The following FGL1 variants were observed in gnomAD, a reference collection of about 807,000 sequenced individuals.
The protein encoded by FGL1 is fibrinogen-like protein 1.
FGL1 carries 59 observed loss-of-function variants against 43.7 expected under a neutral mutation model. The observed-to-expected ratio is 1.35, with a 90% CI of 1.10 to 1.68. The LOEUF (loss-of-function observed/expected upper bound fraction) is 1.68, where lower values mean the gene tolerates loss of function less well. Among genes scored for constraint, FGL1 ranks in the 40% most tolerant of loss-of-function variants. The pLI is 0.00. For synonymous variants in FGL1, 192 were observed against 126.5 expected, an observed-to-expected ratio of 1.52 and a Z score of -3.48; for missense variants, 596 against 373.0, an observed-to-expected ratio of 1.60 and a Z score of -4.92.
At chr8:17,877,904 C>T (rs573262870) in intron 3 of FGL1, among the ~76,000 whole-genome samples, 155 of 152,224 alleles carry the variant, frequency 1.0e-3, no homozygotes, top group African/African-American at 3.6e-3. Context: ...CCATAGATAG[C>T]TGGCATTCAC....
intron 7 of FGL1, among the ~76,000 whole-genome samples, chr8:17,865,243 C>T (rs2053253607): frequency 6.6e-6 from 1 of 152,126 alleles, no homozygotes; most frequent in Non-Finnish European, 1.5e-5. Context: ...ATCCTTGTAA[C>T]CTCCAGCCTT....
chr8:17,868,160 G>C (rs1412019425), intron 7 of FGL1, among the ~76,000 whole-genome samples: 1 of 152,140 alleles, frequency 6.6e-6, no homozygotes. Context: ...AAGCATTACA[G>C]CAATAACGGT....
At chr8:17,884,446 C>T (rs958593184) in intron 2 of FGL1, among the ~76,000 whole-genome samples, 8 of 152,276 alleles carry the variant, frequency 5.3e-5, no homozygotes, top group Non-Finnish European at 1.0e-4. Flanking sequence ...CCACCCACCT[C>T]GGCCCCTCAA....
chr8:17,885,227 T>C (rs1267207921), intron 2 of FGL1, among the ~76,000 whole-genome samples: 1 of 151,948 alleles, frequency 6.6e-6, no homozygotes, highest in African/African-American at 2.4e-5. Flanking sequence ...TTTTTTTTAG[T>C]AAAGATGGGG....
chr8:17,872,445 G>A (rs2053377996), intron 5 of FGL1, among the ~76,000 whole-genome samples: 1 of 152,058 alleles, frequency 6.6e-6, no homozygotes, highest in Admixed American at 6.6e-5. Flanking sequence ...TGGGATTACA[G>A]TGCTGTGCCA....
At chr8:17,878,770 A>C (rs558304562) in intron 3 of FGL1, among the ~76,000 whole-genome samples, 18 of 152,222 alleles carry the variant, frequency 1.2e-4, no homozygotes, top group African/African-American at 4.1e-4. Flanking sequence ...TAATAAAGTA[A>C]CTTGTAAATA....
intron 3 of FGL1, among the ~76,000 whole-genome samples, chr8:17,875,547 T>C (rs867829641): frequency 0.035 from 565 of 16,110 alleles, 52 homozygotes; most frequent in African/African-American, 0.09. Context: ...CTTTCTTTCT[T>C]TCTTTCTTTC....
intron 3 of FGL1, among the ~76,000 whole-genome samples, chr8:17,876,823 C>T (rs1378235056): frequency 6.6e-6 from 1 of 152,160 alleles, no homozygotes; most frequent in Non-Finnish European, 1.5e-5. Context: ...ATAGAGGTTT[C>T]AGCCAAAATT....
chr8:17,882,752 T>C (rs1435801197), intron 2 of FGL1: 8 of 121,004 alleles, frequency 6.6e-5, no homozygotes, highest in African/African-American at 2.5e-4. Flanking sequence ...ATATAATATA[T>C]ATAATATATA....
rs1447397552 is a variant in FGL1, at chr8:17,869,010, A to G, written c.503-6T>C. On this transcript the variant is annotated splice_region_variant and splice_polypyrimidine_tract_variant and intron_variant, in intron 5 of 7. Coordinates refer to ENST00000427924, the MANE Select transcript of FGL1 (RefSeq NM_004467.4). ...GATTTTTAAAGTGTAGTCTTCTAAA[A>G]AAGAAACAAGCAATTATAATTTTTA... The G allele has an allele frequency of 2.5e-6, 4 of 1,572,026 alleles. No individual in the cohort carries two copies. Among genetic ancestry groups the G allele is most frequent in the Non-Finnish European group, 3.5e-6 (4 of 1,152,178 alleles).
At chr8:17,882,881 T>G (rs2053561572) in intron 2 of FGL1, among the ~76,000 whole-genome samples, 1 of 27,198 alleles carries the variant, frequency 3.7e-5, no homozygotes, top group Non-Finnish European at 9.1e-5. Context: ...AAATAATATA[T>G]AATATATCTC....
intron 7 of FGL1, among the ~76,000 whole-genome samples, chr8:17,868,154 A>G (rs1284471558): frequency 6.6e-6 from 1 of 152,194 alleles, no homozygotes; most frequent in East Asian, 1.9e-4. Flanking sequence ...ATACAGAAGC[A>G]TTACAGCAAT....
intron 7 of FGL1, among the ~76,000 whole-genome samples, chr8:17,866,443 G>C (rs1269039864): frequency 6.6e-6 from 1 of 152,216 alleles, no homozygotes; most frequent in African/African-American, 2.4e-5. Flanking sequence ...GCAACAGTAA[G>C]AAGGAAGAAA....
intron 1 of FGL1, among the ~76,000 whole-genome samples, chr8:17,894,841 G>A (rs1003397452): frequency 4.1e-5 from 6 of 145,140 alleles, no homozygotes; most frequent in Admixed American, 2.7e-4. Flanking sequence ...TTTTACCTGC[G>A]CACACTGTAT....
chr8:17,868,392 G>T, intron 7 of FGL1, 156 bp downstream of exon 7: 3 of 497,980 alleles, frequency 6.0e-6, no homozygotes, highest in Non-Finnish European at 9.6e-6. Context: ...TCCTCAAAAC[G>T]ACTTCATTGC....
rs948998793 is a variant in FGL1, at chr8:17,870,854, C to T, written c.503-1850G>A. ...CCGGGAGGCAGAGGTTGCAGTGAGCCGAGATCGCGCCACTGCACTCCAGCC... is the reference window on the plus strand; with the variant it reads ...CCGGGAGGCAGAGGTTGCAGTGAGCTGAGATCGCGCCACTGCACTCCAGCC... On this transcript the variant is annotated intron_variant, in intron 5 of 7. Transcript: ENST00000427924. 3.3e-5 allele frequency among the ~76,000 whole-genome samples: 5 copies of T among 151,404 alleles called. No homozygotes were observed. In the South Asian group the frequency reaches 1.0e-3, roughly 32 times the overall value.
rs62642089 is a variant in FGL1, at chr8:17,882,889, C to T, written c.64-710G>A. 9.2e-5 allele frequency among the ~76,000 whole-genome samples: 3 copies of T among 32,674 alleles called. 1 individual carries two copies. In the South Asian group the frequency reaches 1.7e-3, roughly 19 times the overall value. The allele number at this position is 32,674 out of a possible 152,430, so 21.4% of individuals were successfully genotyped here. On this transcript the variant is annotated intron_variant, in intron 2 of 7. Coordinates refer to ENST00000427924, the MANE Select transcript of FGL1 (RefSeq NM_004467.4). ...ATATATTAAATAATATATAATATAT[C>T]TCATATATAATATATTAAATAATAT...
intron 2 of FGL1, among the ~76,000 whole-genome samples, chr8:17,885,045 CTT>C (rs11463824): frequency 3.5e-5 from 5 of 144,280 alleles, no homozygotes; most frequent in Admixed American, 7.0e-5. Flanking sequence ...ATGTAAAGCA[CTT>C]TTTTTTTTTT....
chr8:17,890,235 A>G (rs2053685196), intron 1 of FGL1, among the ~76,000 whole-genome samples: 4 of 152,212 alleles, frequency 2.6e-5, no homozygotes, highest in South Asian at 2.1e-4. Context: ...CAAGCTACCA[A>G]TGGAAGATTC....
Sources: gnomAD v4.1 joint callset for allele counts (sites outside exome capture counted in the v4.1 genomes callset) on GRCh38, gnomAD v4.1.1 for gene constraint, MANE v1.5 for transcripts, NCBI Gene and HGNC (gene_info 2026-07-23, HGNC 2026-07-21) for gene names.